Variants in PCDH17 observed in about 807,000 individuals in gnomAD.
PCDH17 encodes the protein protocadherin 17, also known as protocadherin-17.
PCDH17 carries 21 observed loss-of-function variants against 67.7 expected under a neutral mutation model. The observed-to-expected ratio is 0.31, with a 90% CI of 0.22 to 0.45. The LOEUF (loss-of-function observed/expected upper bound fraction) is 0.45, where lower values mean the gene tolerates loss of function less well. Ranked by LOEUF, PCDH17 falls within the 20% of genes least tolerant of loss-of-function variation. PCDH17 has a pLI of 1.00. For synonymous variants in PCDH17, 701 were observed against 656.7 expected, an observed-to-expected ratio of 1.07 and a Z score of -1.03; for missense variants, 1,471 against 1,564.8, an observed-to-expected ratio of 0.94 and a Z score of 1.01.
At chr13:57,687,088 T>C (rs1334161955) in intron 3 of PCDH17, among the ~76,000 whole-genome samples, 2 of 152,094 alleles carry the variant, frequency 1.3e-5, no homozygotes, top group Non-Finnish European at 2.9e-5. Flanking sequence ...TCAGAATGGT[T>C]AAATAATAAA....
At position 57,715,375 on chromosome 13, in the gene PCDH17, G is replaced by A. The variant is rs151161137; in HGVS notation, c.2798-9237G>A. On this transcript the variant is annotated intron_variant, in intron 3 of 3. Coordinates refer to ENST00000377918, the MANE Select transcript of PCDH17 (RefSeq NM_001040429.3). ...AATGATCCTTTCCATCAATTAAAGC[G>A]TCTGTTCAAATTCAGAAGTGTACAT... Among the ~76,000 whole-genome samples the A allele has an allele frequency of 2.0e-3, 300 of 151,824 alleles. 1 individual carries two copies. The highest frequency in any genetic ancestry group is 5.6e-3 in the African/African-American group (231 of 41,460).
intron 1 of PCDH17, among the ~76,000 whole-genome samples, chr13:57,639,369 ATTG>A (rs1350808236): frequency 2.0e-5 from 3 of 151,874 alleles, no homozygotes; most frequent in Non-Finnish European, 2.9e-5. Flanking sequence ...AAGTCCAAAA[ATTG>A]TTATCATCAT....
chr13:57,712,015 G>T (rs141467042), intron 3 of PCDH17, among the ~76,000 whole-genome samples: 2 of 151,608 alleles, frequency 1.3e-5, no homozygotes, highest in East Asian at 3.9e-4. Context: ...AGCCTAGATA[G>T]AAAGTTTCTT....
At chr13:57,637,277 T>C (rs903565592) in intron 1 of PCDH17, among the ~76,000 whole-genome samples, 118 of 152,214 alleles carry the variant, frequency 7.8e-4, no homozygotes, top group African/African-American at 2.8e-3. Context: ...ACCCTAGAAA[T>C]ATCCTCAACA....
At position 57,633,768 on chromosome 13, in the gene PCDH17, G is replaced by A; in HGVS notation, c.1222G>A (p.Gly408Ser). Residue 408 changes from glycine to serine, a missense_variant, in exon 1 of 4, where the codon GGT becomes AGT. Coordinates refer to ENST00000377918, the MANE Select transcript of PCDH17 (RefSeq NM_001040429.3). The surrounding 1 kb of genome is among the most constrained non-coding windows in gnomAD (Gnocchi z 6.2). Reference protein sequence around the residue: ...GGGGGLGGPGGSVPFKLEENY... With the variant: ...GGGGGLGGPGSSVPFKLEENY... ...CGGCGGGGGCCTGGGCGGGCCCGGG[G>A]GTTCCGTCCCCTTCAAGCTTGAGGA... 1.3e-6 allele frequency: 2 copies of A among 1,594,984 alleles called. No homozygotes were observed. Among genetic ancestry groups the A allele is most frequent in the African/African-American group, 1.3e-5 (1 of 74,802 alleles).
At chr13:57,641,558 GAAAAAAAAAAAAAAAAAAAA>G (rs71209470) in intron 1 of PCDH17, among the ~76,000 whole-genome samples, 10 of 24,514 alleles carry the variant, frequency 4.1e-4, no homozygotes, top group African/African-American at 1.3e-3. Flanking sequence ...GTGTTTGAGA[GAAAAAAAAAAAAAAAAAAAA>G]AAAAAAAAAA....
At position 57,724,835 on chromosome 13, in the gene PCDH17, G is replaced by A. The variant is rs754089018; in HGVS notation, c.3021G>A (p.Glu1007=). 3 of 1,614,176 alleles carry A rather than the reference G, an allele frequency of 1.9e-6. No individual in the cohort carries two copies. The highest frequency in any genetic ancestry group is 2.5e-6 in the Non-Finnish European group (3 of 1,180,016). ...TFCTFGKDKR[E]HTILIANVKP... is the part of the protein sequence containing the mutation. ...GTACATTTGGAAAAGACAAGCGAGA[G>A]CACACTATTCTCATTGCCAACGTTA... The change falls in exon 4 of 4, where the codon GAG becomes GAA. Residue 1007 remains glutamate (E), a synonymous_variant. Coordinates refer to ENST00000377918, the MANE Select transcript of PCDH17 (RefSeq NM_001040429.3).
rs771922153 is a variant in PCDH17, at chr13:57,634,964, C to G, written c.2418C>G (p.Leu806=). The G allele has an allele frequency of 6.2e-7, 1 of 1,613,974 alleles. No homozygotes were observed. Among genetic ancestry groups the G allele is most frequent in the Non-Finnish European group, 8.5e-7 (1 of 1,180,010 alleles). The change falls in exon 1 of 4, where the codon CTC becomes CTG. Residue 806 remains leucine, a synonymous_variant. Coordinates refer to ENST00000377918, the MANE Select transcript of PCDH17 (RefSeq NM_001040429.3). The surrounding 1 kb of genome is among the most constrained non-coding windows in gnomAD (Gnocchi z 7.8). ...TCGACTACCAGACCCGCCTGCCCCT[C>G]AGCTCGCCCCGGTCGGAGGTGATGT... is the stretch of plus-strand genomic sequence containing the variant. The part of the protein sequence containing the change: ...MYFDYQTRLP[L]SSPRSEVMYL...
At chr13:57,678,873 G>A (rs1032690092) in intron 3 of PCDH17, among the ~76,000 whole-genome samples, 2 of 151,338 alleles carry the variant, frequency 1.3e-5, no homozygotes, top group South Asian at 4.1e-4. Flanking sequence ...TTGATGTTAT[G>A]ATATTTAGGC....
At chr13:57,675,936 A>G (rs530120800) in intron 3 of PCDH17, among the ~76,000 whole-genome samples, 2 of 152,076 alleles carry the variant, frequency 1.3e-5, no homozygotes, top group African/African-American at 4.8e-5. Context: ...AGGAGGAATG[A>G]ACAAAGTAAG....
chr13:57,643,709 AT>A (rs981778449), intron 1 of PCDH17, among the ~76,000 whole-genome samples: 2 of 151,738 alleles, frequency 1.3e-5, no homozygotes, highest in African/African-American at 4.8e-5. Flanking sequence ...CATTGTGGTA[AT>A]ATTAAGGATT....
chr13:57,691,907 C>T (rs1350798400), intron 3 of PCDH17, among the ~76,000 whole-genome samples: 2 of 150,956 alleles, frequency 1.3e-5, no homozygotes, highest in African/African-American at 4.8e-5. Context: ...GAAGGCAAAC[C>T]TATATTTGAA....
intron 1 of PCDH17, among the ~76,000 whole-genome samples, chr13:57,651,809 A>G (rs1955043400): frequency 6.6e-6 from 1 of 152,176 alleles, no homozygotes; most frequent in South Asian, 2.1e-4. Context: ...TATAAAGAAT[A>G]TGATAAATAC....
intron 3 of PCDH17, among the ~76,000 whole-genome samples, chr13:57,707,293 A>T (rs1037441374): frequency 6.6e-6 from 1 of 151,588 alleles, no homozygotes; most frequent in Admixed American, 6.6e-5. Flanking sequence ...TACGTATGTC[A>T]TAAAAAAACT....
intron 3 of PCDH17, among the ~76,000 whole-genome samples, chr13:57,677,033 A>G (rs1443999676): frequency 6.6e-6 from 1 of 151,826 alleles, no homozygotes; most frequent in African/African-American, 2.4e-5. Flanking sequence ...TGTGCCCACT[A>G]TGCATATGGG....
intron 3 of PCDH17, among the ~76,000 whole-genome samples, chr13:57,700,323 T>C (rs75323223): frequency 3.7e-4 from 47 of 127,548 alleles, no homozygotes; most frequent in Middle Eastern, 3.7e-3. Flanking sequence ...CTCTCTCTCT[T>C]TTTTTTTTTT....
chr13:57,712,384 T>C (rs1471595435), intron 3 of PCDH17, among the ~76,000 whole-genome samples: 1 of 151,774 alleles, frequency 6.6e-6, no homozygotes, highest in Non-Finnish European at 1.5e-5. Context: ...TTATGAATTA[T>C]ATTTCTAAAG....
At chr13:57,651,139 C>A (rs1955031973) in intron 1 of PCDH17, among the ~76,000 whole-genome samples, 1 of 152,270 alleles carries the variant, frequency 6.6e-6, no homozygotes, top group African/African-American at 2.4e-5. Flanking sequence ...CACAAACACA[C>A]AACTATATAT....
chr13:57,697,262 G>T (rs1252550763), intron 3 of PCDH17, among the ~76,000 whole-genome samples: 1 of 151,590 alleles, frequency 6.6e-6, no homozygotes, highest in Non-Finnish European at 1.5e-5. Flanking sequence ...AAAATAAATG[G>T]TTTTATGCAG....
Sources: gnomAD v4.1 joint callset for allele counts (sites outside exome capture counted in the v4.1 genomes callset) on GRCh38, gnomAD v4.1.1 for gene constraint, Gnocchi (gnomAD v3.1) non-coding constraint, MANE v1.5 for transcripts, NCBI Gene and HGNC (gene_info 2026-07-23, HGNC 2026-07-21) for gene names.